KIRREL3: variants seen among roughly 807,000 people sequenced by gnomAD.
The protein encoded by KIRREL3 is kirre like nephrin family adhesion molecule 3, also known as kin of IRRE-like protein 3.
In KIRREL3, 36 loss-of-function variants were observed where a neutral mutation model predicts 89.7. The observed-to-expected ratio is 0.40, with a 90% CI of 0.31 to 0.53. The LOEUF (loss-of-function observed/expected upper bound fraction) is 0.53. Among genes scored for constraint, KIRREL3 ranks in the 20% least tolerant of loss-of-function variants. The pLI is 0.49. For synonymous variants in KIRREL3, 445 were observed against 441.4 expected (o/e 1.01, Z -0.10); for missense variants, 864 against 1,056.6 (o/e 0.82, Z 2.53).
rs1783988 is a variant in KIRREL3, at chr11:126,653,485, G to A, written c.56-90573C>T. Among the ~76,000 whole-genome samples, 22,235 of 152,190 alleles carry A rather than the reference G, an allele frequency of 0.15. 2,135 individuals are homozygous for A. Among genetic ancestry groups the A allele is most frequent in the Non-Finnish European group, 0.21 (14,258 of 67,988 alleles). On this transcript the variant is annotated intron_variant, in intron 1 of 16. Coordinates refer to ENST00000525144, the MANE Select transcript of KIRREL3 (RefSeq NM_032531.4). This position sits in a 1 kb window ranked among gnomAD's most constrained non-coding sequence, Gnocchi z 5.4. ...TGGGGTTGTCATGAAATTCAAATCA[G>A]GAAATGGATATGAAATGGTTCTGAA...
chr11:126,537,212 G>A lies in KIRREL3; in HGVS notation c.134-10525C>T, dbSNP rs935208030. Among the ~76,000 whole-genome samples the A allele has an allele frequency of 3.3e-5, 5 of 152,126 alleles. No individual in the cohort carries two copies. The highest frequency in any genetic ancestry group is 6.5e-5 in the Admixed American group (1 of 15,278). Reference sequence around the variant, plus strand: ...CTGGTGCTGACACATGCACACACCCGCCTGCATGCCTGTGAGTGTGGGCAG... The same window carrying A: ...CTGGTGCTGACACATGCACACACCCACCTGCATGCCTGTGAGTGTGGGCAG... On this transcript the variant is annotated intron_variant, in intron 2 of 16. Coordinates refer to ENST00000525144, the MANE Select transcript of KIRREL3 (RefSeq NM_032531.4). The surrounding 1 kb of genome is among the most constrained non-coding windows in gnomAD (Gnocchi z 4.3).
At chr11:126,619,548 CTCTT>C (rs1236859449) in intron 1 of KIRREL3, among the ~76,000 whole-genome samples, 1 of 152,234 alleles carries the variant, frequency 6.6e-6, no homozygotes, top group Admixed American at 6.5e-5. Flanking sequence ...GGACTGTTCT[CTCTT>C]CTACTGATCA....
chr11:126,438,636 A>G (rs1204507083), intron 11 of KIRREL3, among the ~76,000 whole-genome samples: 1 of 152,256 alleles, frequency 6.6e-6, no homozygotes, highest in Non-Finnish European at 1.5e-5. Flanking sequence ...TGAATGGAAT[A>G]TTTGACAATG....
chr11:126,606,156 G>A lies in KIRREL3; in HGVS notation c.56-43244C>T, dbSNP rs1565587459. On this transcript the variant is annotated intron_variant, in intron 1 of 16. Transcript: ENST00000525144. This position sits in a 1 kb window ranked among gnomAD's most constrained non-coding sequence, Gnocchi z 4.6. ...TTTCGAGCATTCCAGCATAAGCCAT[G>A]GGAAGCTCTTAGCAGGCACCCAGCA... Among the ~76,000 whole-genome samples the A allele has an allele frequency of 6.6e-6, 1 of 152,192 alleles. No homozygotes were observed. Among genetic ancestry groups the A allele is most frequent in the Non-Finnish European group, 1.5e-5 (1 of 68,038 alleles).
rs1056086969 is a variant in KIRREL3 at position 126,729,940 on chromosome 11, C to G, written c.56-167028G>C. Among the ~76,000 whole-genome samples the G allele has an allele frequency of 1.3e-5, 2 of 152,192 alleles. No homozygotes were observed. The highest frequency in any genetic ancestry group is 6.5e-5 in the Admixed American group (1 of 15,268). On this transcript the variant is annotated intron_variant, in intron 1 of 16. Transcript: ENST00000525144. This position sits in a 1 kb window ranked among gnomAD's most constrained non-coding sequence, Gnocchi z 4.5. ...TCTGCCCTTCCCTTCCTTGACATTT[C>G]TGTGACATTTGGCTCTGTGACGGCT...
In KIRREL3 at chr11:126,608,381, C is replaced by G. The variant is rs192047170; in HGVS notation, c.56-45469G>C. ...GGCTCCTCCTCTAGCCCCAGGCTATCGAGCTGAATTAAGCTGCCTAAGATC... is the reference window on the plus strand; with the variant it reads ...GGCTCCTCCTCTAGCCCCAGGCTATGGAGCTGAATTAAGCTGCCTAAGATC... On this transcript the variant is annotated intron_variant, in intron 1 of 16. Coordinates refer to ENST00000525144, the MANE Select transcript of KIRREL3 (RefSeq NM_032531.4). The surrounding 1 kb of genome is among the most constrained non-coding windows in gnomAD (Gnocchi z 4.9). Among the ~76,000 whole-genome samples the G allele has an allele frequency of 6.6e-6, 1 of 152,200 alleles. No homozygotes were observed. The highest frequency in any genetic ancestry group is 2.1e-4 in the South Asian group (1 of 4,830).
intron 4 of KIRREL3, among the ~76,000 whole-genome samples, chr11:126,502,317 C>T (rs979455340): frequency 3.9e-5 from 6 of 152,204 alleles, no homozygotes; most frequent in African/African-American, 1.4e-4. Context: ...TTTGAGAGCT[C>T]CTGGGACCTG....
chr11:126,477,154 G>C lies in KIRREL3; in HGVS notation c.434-3688C>G, dbSNP rs1210947960. 6.6e-6 allele frequency among the ~76,000 whole-genome samples: 1 copy of C among 152,228 alleles called. No homozygotes were observed. Among genetic ancestry groups the C allele is most frequent in the Non-Finnish European group, 1.5e-5 (1 of 68,030 alleles). The stretch of plus-strand genomic sequence containing the variant: ...CGGCCTTAGCCGGGGGTGGCTGAGC[G>C]ACACTCCTGCACCCAGCTGGCTCCT... On this transcript the variant is annotated intron_variant, in intron 4 of 16. Coordinates refer to ENST00000525144, the MANE Select transcript of KIRREL3 (RefSeq NM_032531.4). This position sits in a 1 kb window ranked among gnomAD's most constrained non-coding sequence, Gnocchi z 4.8.
intron 15 of KIRREL3, 95 bp from the exon 16 acceptor site, chr11:126,425,819 C>A: frequency 5.2e-6 from 5 of 957,310 alleles, no homozygotes; most frequent in East Asian, 5.3e-5. Context: ...AAAGATTGCC[C>A]TGTATAACCC....
intron 1 of KIRREL3, among the ~76,000 whole-genome samples, chr11:126,637,805 C>T (rs751613954): frequency 3.3e-5 from 5 of 152,178 alleles, no homozygotes; most frequent in Admixed American, 2.0e-4. Context: ...ATCTAGGAAA[C>T]ATTTACACAA....
chr11:126,579,313 G>A lies in KIRREL3; in HGVS notation c.56-16401C>T, dbSNP rs930476608. On this transcript the variant is annotated intron_variant, in intron 1 of 16. Transcript: ENST00000525144. The surrounding 1 kb of genome is among the most constrained non-coding windows in gnomAD (Gnocchi z 5.3). ...TTTCTTAAATTGCATCCAGGGCCAA[G>A]GGGTGCAAGCTGCTCTGTCAGTTAT... is the stretch of plus-strand genomic sequence containing the variant. Among the ~76,000 whole-genome samples, 12 of 152,118 alleles carry A rather than the reference G, an allele frequency of 7.9e-5. No homozygotes were observed. Among genetic ancestry groups the A allele is most frequent in the Non-Finnish European group, 4.4e-5 (3 of 68,020 alleles).
rs1031217253 is a variant in KIRREL3 at position 126,614,896 on chromosome 11, A to G, written c.56-51984T>C. Among the ~76,000 whole-genome samples the G allele has an allele frequency of 6.6e-6, 1 of 152,088 alleles. No individual in the cohort carries two copies. Among genetic ancestry groups the G allele is most frequent in the Non-Finnish European group, 1.5e-5 (1 of 68,018 alleles). On this transcript the variant is annotated intron_variant, in intron 1 of 16. Coordinates refer to ENST00000525144, the MANE Select transcript of KIRREL3 (RefSeq NM_032531.4). The surrounding 1 kb of genome is among the most constrained non-coding windows in gnomAD (Gnocchi z 4.6). ...AAGATGGATGAGCTGGGGCCGGTAA[A>G]ATAGCTTTGTTCCTTGGAGAAAGTC... is the stretch of plus-strand genomic sequence containing the variant.
At chr11:126,885,700 A>G (rs1315304220) in intron 1 of KIRREL3, among the ~76,000 whole-genome samples, 2 of 152,134 alleles carry the variant, frequency 1.3e-5, no homozygotes, top group Non-Finnish European at 2.9e-5. Flanking sequence ...TGAATAAGAG[A>G]GTATCACTTA....
rs369913253 is a variant in KIRREL3, at chr11:126,995,728, C to T, written c.55+4727G>A. Among the ~76,000 whole-genome samples the T allele has an allele frequency of 2.6e-4, 40 of 152,322 alleles. No individual in the cohort carries two copies. The East Asian group carries it at 5.2e-3, about 20-fold the overall frequency. On this transcript the variant is annotated intron_variant, in intron 1 of 16. Coordinates refer to ENST00000525144, the MANE Select transcript of KIRREL3 (RefSeq NM_032531.4). This position sits in a 1 kb window ranked among gnomAD's most constrained non-coding sequence, Gnocchi z 6.5. ...ATTGTTATTATTTTGCTATTGAAAT[C>T]TCTTCAATTCGCTCTGGATTATTCA...
chr11:126,988,253 G>A (rs1949928253), intron 1 of KIRREL3, among the ~76,000 whole-genome samples: 1 of 152,218 alleles, frequency 6.6e-6, no homozygotes, highest in African/African-American at 2.4e-5. Context: ...CTTTCAAAAT[G>A]TTAAGCTATA....
intron 10 of KIRREL3, among the ~76,000 whole-genome samples, 161 bp downstream of exon 10, chr11:126,444,817 CG>C (rs1955726334): frequency 6.6e-6 from 1 of 152,206 alleles, no homozygotes; most frequent in South Asian, 2.1e-4. Flanking sequence ...CTGGGTCTGA[CG>C]GGGAATCCAG....
In KIRREL3 at chr11:126,587,259, C is replaced by T. The variant is rs1326355986; in HGVS notation, c.56-24347G>A. Reference sequence around the variant, plus strand: ...GGAGATGAAGACGGGGGCTGCAGAGCGTTCCAGGCTGTGGAGGCAGCGTGT... The same window carrying T: ...GGAGATGAAGACGGGGGCTGCAGAGTGTTCCAGGCTGTGGAGGCAGCGTGT... On this transcript the variant is annotated intron_variant, in intron 1 of 16. Coordinates refer to ENST00000525144, the MANE Select transcript of KIRREL3 (RefSeq NM_032531.4). This position sits in a 1 kb window ranked among gnomAD's most constrained non-coding sequence, Gnocchi z 5.2. 6.6e-6 allele frequency among the ~76,000 whole-genome samples: 1 copy of T among 152,096 alleles called. No individual in the cohort carries two copies. The highest frequency in any genetic ancestry group is 1.5e-5 in the Non-Finnish European group (1 of 68,022).
rs1950396836 is a variant in KIRREL3 at position 126,783,715 on chromosome 11, TA to T, written c.55+216739del. Among the ~76,000 whole-genome samples the T allele has an allele frequency of 6.6e-6, 1 of 152,220 alleles. No homozygotes were observed. On this transcript the variant is annotated intron_variant, in intron 1 of 16. Coordinates refer to ENST00000525144, the MANE Select transcript of KIRREL3 (RefSeq NM_032531.4). This position sits in a 1 kb window ranked among gnomAD's most constrained non-coding sequence, Gnocchi z 4.3. ...ATAGACTCCAGTGCAGAATTCCAAA[TA>T]ATTCACGTAGATGCCTTGCCCTCAA... is the stretch of plus-strand genomic sequence containing the variant.
At chr11:126,988,247 C>T (rs183741548) in intron 1 of KIRREL3, among the ~76,000 whole-genome samples, 49 of 152,244 alleles carry the variant, frequency 3.2e-4, no homozygotes, top group Admixed American at 2.7e-3. Context: ...ATTTGGCTTT[C>T]AAAATGTTAA....
Sources: gnomAD v4.1 joint callset for allele counts (sites outside exome capture counted in the v4.1 genomes callset) on GRCh38, gnomAD v4.1.1 for gene constraint, Gnocchi (gnomAD v3.1) non-coding constraint, MANE v1.5 for transcripts, NCBI Gene and HGNC (gene_info 2026-07-23, HGNC 2026-07-21) for gene names.